FNDC3B: variants seen among roughly 807,000 people sequenced by gnomAD.
The protein encoded by FNDC3B is fibronectin type III domain containing 3B, also known as fibronectin type III domain-containing protein 3B.
FNDC3B carries 12 observed loss-of-function variants against 151.5 expected under a neutral mutation model. The observed-to-expected ratio is 0.08, with a 90% CI of 0.05 to 0.13. The LOEUF (loss-of-function observed/expected upper bound fraction) is 0.13. Among genes scored for constraint, FNDC3B ranks in the 10% least tolerant of loss-of-function variants. The pLI is 1.00. For missense variants in FNDC3B, 1,214 were observed against 1,505.3 expected (o/e 0.81, Z 3.20); for synonymous variants, 528 against 549.0 (o/e 0.96, Z 0.54).
chr3:172,093,375 C>T (rs547758420), intron 1 of FNDC3B, among the ~76,000 whole-genome samples: 1 of 152,036 alleles, frequency 6.6e-6, no homozygotes, highest in South Asian at 2.1e-4. Context: ...TCTCCTGCCT[C>T]AGCCTCCCGA....
intron 11 of FNDC3B, among the ~76,000 whole-genome samples, chr3:172,324,550 C>A (rs1203614775): frequency 1.5e-5 from 2 of 131,860 alleles, no homozygotes; most frequent in African/African-American, 6.2e-5. Context: ...TCCAAGATTT[C>A]TTCACATTGT....
intron 3 of FNDC3B, among the ~76,000 whole-genome samples, chr3:172,214,002 ATGG>A (rs1462191577): frequency 9.9e-5 from 3 of 30,380 alleles, no homozygotes; most frequent in African/African-American, 4.9e-4. Flanking sequence ...AGAAGCATCT[ATGG>A]TGCCGCGCCA....
chr3:172,354,339 A>G (rs1733986372), intron 22 of FNDC3B, among the ~76,000 whole-genome samples: 1 of 151,982 alleles, frequency 6.6e-6, no homozygotes, highest in Non-Finnish European at 1.5e-5. Flanking sequence ...TTTATCATTT[A>G]ATAATAGTAC....
intron 3 of FNDC3B, among the ~76,000 whole-genome samples, chr3:172,167,799 C>A (rs139824735): frequency 6.6e-6 from 1 of 152,048 alleles, no homozygotes; most frequent in Non-Finnish European, 1.5e-5. Context: ...TTGTGAACTG[C>A]GCATGTGAAG....
At chr3:172,067,250 G>A (rs928494553) in intron 1 of FNDC3B, among the ~76,000 whole-genome samples, 2 of 152,130 alleles carry the variant, frequency 1.3e-5, no homozygotes, top group African/African-American at 4.8e-5. Flanking sequence ...TATATAATGT[G>A]GCGCTGTAAT....
chr3:172,102,006 G>A (rs1030756520), intron 1 of FNDC3B, among the ~76,000 whole-genome samples: 1 of 152,176 alleles, frequency 6.6e-6, no homozygotes. Flanking sequence ...GGTTGTCTTT[G>A]AAAGTTACCT....
At chr3:172,202,089 A>G (rs1198489649) in intron 3 of FNDC3B, among the ~76,000 whole-genome samples, 1 of 152,214 alleles carries the variant, frequency 6.6e-6, no homozygotes, top group Non-Finnish European at 1.5e-5. Context: ...TTAAAAGGCA[A>G]CTGCAGTTGA....
At chr3:172,269,479 A>G (rs1729084892) in intron 6 of FNDC3B, among the ~76,000 whole-genome samples, 1 of 149,622 alleles carries the variant, frequency 6.7e-6, no homozygotes, top group Non-Finnish European at 1.5e-5. Flanking sequence ...TATGTTGCCC[A>G]GGCTGGTTTT....
chr3:172,257,014 T>A (rs914312948), intron 6 of FNDC3B, among the ~76,000 whole-genome samples: 3 of 151,962 alleles, frequency 2.0e-5, no homozygotes, highest in Non-Finnish European at 2.9e-5. Flanking sequence ...CACTGAGACC[T>A]CCACCTCCCA....
At chr3:172,302,855 T>TGA (rs1428461794) in intron 9 of FNDC3B, 1 of 150,132 alleles carries the variant, frequency 6.7e-6, no homozygotes, top group Non-Finnish European at 1.5e-5. Flanking sequence ...TGTGTGTATG[T>TGA]GTGAGAGAGA....
chr3:172,326,326 A>G (rs866168931), intron 11 of FNDC3B, among the ~76,000 whole-genome samples: 2 of 152,202 alleles, frequency 1.3e-5, no homozygotes, highest in African/African-American at 4.8e-5. Context: ...TCTACAGACA[A>G]TGCTTCCAAA....
chr3:172,184,998 T>C (rs1724096325), intron 3 of FNDC3B, among the ~76,000 whole-genome samples: 1 of 152,212 alleles, frequency 6.6e-6, no homozygotes, highest in Admixed American at 6.5e-5. Context: ...CTGACCACTT[T>C]GGAAGTCACC....
intron 1 of FNDC3B, among the ~76,000 whole-genome samples, chr3:172,110,535 G>A (rs1719905903): frequency 6.6e-6 from 1 of 151,920 alleles, no homozygotes; most frequent in African/African-American, 2.4e-5. Context: ...CCTGAAATGG[G>A]TTTACTCCTC....
At chr3:172,293,984 A>G (rs12494991) in intron 7 of FNDC3B, among the ~76,000 whole-genome samples, 39,583 of 152,212 alleles carry the variant, frequency 0.26, 5,237 homozygotes, top group East Asian at 0.35. Flanking sequence ...CTTTGTGAAC[A>G]TTAAGCTTTA....
chr3:172,277,533 CG>C (rs1270812776), intron 6 of FNDC3B, among the ~76,000 whole-genome samples: 11 of 152,144 alleles, frequency 7.2e-5, no homozygotes, highest in Non-Finnish European at 1.2e-4. Context: ...ATCACTTTAG[CG>C]CGTAGGGTTT....
In FNDC3B at chr3:172,112,389, G is replaced by A. The variant is rs1559971201; in HGVS notation, c.-28-63G>A. ...GAGCACTTAGATTGTTATGTGACTT[G>A]TTGTGTTACAGGTGATTTTTGTGGT... On this transcript the variant is annotated intron_variant, in intron 1 of 25. Transcript: ENST00000415807. The A allele has an allele frequency of 9.9e-6, 8 of 810,390 alleles. No individual in the cohort carries two copies. The East Asian group carries it at 2.0e-4, about 20-fold the overall frequency. The allele number at this position is 810,390 out of a possible 1,614,324, so 50.2% of individuals were successfully genotyped here.
At position 172,347,221 on chromosome 3, in the gene FNDC3B, A is replaced by G. The variant is rs1181425562; in HGVS notation, c.2374A>G (p.Ser792Gly). 1.2e-6 allele frequency: 2 copies of G among 1,612,906 alleles called. No homozygotes were observed. Among genetic ancestry groups the G allele is most frequent in the Non-Finnish European group, 8.5e-7 (1 of 1,179,416 alleles). The change falls in exon 21 of 26, where the codon AGT (serine) becomes GGT (glycine). Residue 792 changes from serine to glycine, a missense_variant. Physicochemically the swap from Ser to Gly is moderately conservative, Grantham distance 56. This residue lies in a region of FNDC3B where 380 missense variants were observed against 420.9 expected (regional missense o/e 0.90). Transcript: ENST00000415807. ...CVLVGWESPD[S>G]SGADISEYRL... Reference sequence around the variant, plus strand: ...ATTTCTGCCTTTCCAGAGTCCTGATAGTTCTGGTGCTGACATCTCAGAGTA... The same window carrying G: ...ATTTCTGCCTTTCCAGAGTCCTGATGGTTCTGGTGCTGACATCTCAGAGTA...
At chr3:172,264,398 T>C (rs1728813247) in intron 6 of FNDC3B, among the ~76,000 whole-genome samples, 1 of 152,210 alleles carries the variant, frequency 6.6e-6, no homozygotes, top group Non-Finnish European at 1.5e-5. Context: ...TCTTAGCCTT[T>C]ATAGTTAAGA....
intron 10 of FNDC3B, among the ~76,000 whole-genome samples, chr3:172,308,178 G>A (rs60138450): frequency 0.027 from 4,125 of 152,116 alleles, 190 homozygotes; most frequent in African/African-American, 0.094. Flanking sequence ...ACACCAGTCA[G>A]GATTACTAAT....
Sources: allele counts gnomAD v4.1 joint callset (sites outside exome capture counted in the v4.1 genomes callset), GRCh38; gene constraint gnomAD v4.1.1; regional missense constraint gnomAD v4.1.1; transcripts MANE v1.5; gene names NCBI Gene and HGNC (gene_info 2026-07-23, HGNC 2026-07-21).